The following DNAH12 variants were observed in gnomAD, a reference collection of about 807,000 sequenced individuals.
The protein encoded by DNAH12 is dynein axonemal heavy chain 12.
DNAH12 carries 285 observed loss-of-function variants against 371.5 expected under a neutral mutation model. The observed-to-expected ratio is 0.77, with a 90% CI of 0.70 to 0.85. The LOEUF (loss-of-function observed/expected upper bound fraction) is 0.85. Among genes scored for constraint, DNAH12 ranks in the 40% least tolerant of loss-of-function variants. DNAH12 has a pLI of 0.00. For synonymous variants in DNAH12, 1,200 were observed against 1,213.0 expected, an observed-to-expected ratio of 0.99 and a Z score of 0.22; for missense variants, 3,611 against 3,689.4, an observed-to-expected ratio of 0.98 and a Z score of 0.55.
At chr3:57,368,402 T>C (rs1403756519) in intron 55 of DNAH12, 142 bp from the exon 56 acceptor site, 1 of 151,826 alleles carries the variant, frequency 6.6e-6, no homozygotes, top group Non-Finnish European at 1.5e-5. Context: ...AAAAGTCCTA[T>C]GAGAAAAAAA....
At chr3:57,394,570 T>C (rs1163804098) in intron 43 of DNAH12, among the ~76,000 whole-genome samples, 1 of 152,134 alleles carries the variant, frequency 6.6e-6, no homozygotes, top group African/African-American at 2.4e-5. Context: ...GGATGGCATA[T>C]GATTTAAGCA....
At position 57,433,782 on chromosome 3, in the gene DNAH12, G is replaced by A. The variant is rs148635738; in HGVS notation, c.4702C>T (p.His1568Tyr). ...EPFAAKTKVL[H>Y]VLADTLTLMN... is the part of the protein sequence containing the mutation. ...AAAGTTAGCGTATCCGCCAGCACAT[G>A]CAGAACTTTTGTCTTAGCAGCAAAA... is the stretch of plus-strand genomic sequence containing the variant. The change falls in exon 31 of 74, where the codon CAT (histidine) becomes TAT (tyrosine). Residue 1568 changes from histidine (H) to tyrosine (Y), a missense_variant. Transcript: ENST00000495027. 282 of 1,549,236 alleles carry A rather than the reference G, an allele frequency of 1.8e-4. 1 individual carries two copies. In the African/African-American group the frequency reaches 3.0e-3, roughly 16 times the overall value.
intron 54 of DNAH12, 86 bp downstream of exon 54, chr3:57,375,732 C>CCATTAT (rs1185005457): frequency 1.5e-5 from 2 of 132,484 alleles, no homozygotes; most frequent in African/African-American, 8.6e-5. Flanking sequence ...TTCTCTTCTG[C>CCATTAT]CATTATTATC....
chr3:57,531,397 T>C (rs897115379), intron 2 of DNAH12, among the ~76,000 whole-genome samples: 3 of 152,176 alleles, frequency 2.0e-5, no homozygotes, highest in Admixed American at 6.5e-5. Flanking sequence ...AGTTCCATTG[T>C]ATGTTATTTG....
intron 46 of DNAH12, among the ~76,000 whole-genome samples, 161 bp downstream of exon 46, chr3:57,386,925 C>T (rs1043897606): frequency 0.012 from 1,856 of 152,278 alleles, 14 homozygotes; most frequent in Non-Finnish European, 0.018. Context: ...TTTCATAAGC[C>T]AGGAGGATCT....
At chr3:57,494,453 T>C (rs1294733680) in intron 11 of DNAH12, among the ~76,000 whole-genome samples, 3 of 151,892 alleles carry the variant, frequency 2.0e-5, no homozygotes, top group East Asian at 1.9e-4. Flanking sequence ...TCCCAGGTAA[T>C]TGGGAGGCTA....
chr3:57,333,668 T>G (rs1467867294), intron 62 of DNAH12, among the ~76,000 whole-genome samples: 1 of 152,108 alleles, frequency 6.6e-6, no homozygotes, highest in East Asian at 1.9e-4. Context: ...ACATTCTTAG[T>G]TCATGGGATG....
intron 29 of DNAH12, among the ~76,000 whole-genome samples, chr3:57,439,293 C>G (rs555922636): frequency 6.6e-6 from 1 of 152,210 alleles, no homozygotes; most frequent in South Asian, 2.1e-4. Flanking sequence ...ATCACATTAC[C>G]CAACTTCAAA....
chr3:57,468,786 C>T lies in DNAH12; in HGVS notation c.2299G>A (p.Ala767Thr), dbSNP rs1302868815. Reference protein sequence around the residue: ...EKIEEEPKDNATITMCSTVME... With the variant: ...EKIEEEPKDNTTITMCSTVME... ...ACTGTACTGCACATAGTAATAGTAG[C>T]ATTGTCTTTTGGTTCTTCTTCAATT... Residue 767 changes from alanine (A) to threonine (T), a missense_variant, in exon 17 of 74, where the codon GCT (alanine) becomes ACT (threonine). Physicochemically the swap from Ala to Thr is moderately conservative, Grantham distance 58. Coordinates refer to ENST00000495027, the MANE Select transcript of DNAH12 (RefSeq NM_001366028.2). The T allele has an allele frequency of 6.5e-7, 1 of 1,530,642 alleles. No homozygotes were observed. Among genetic ancestry groups the T allele is most frequent in the East Asian group, 2.5e-5 (1 of 40,790 alleles). The allele number at this position is 1,530,642 out of a possible 1,614,324, so 94.8% of individuals were successfully genotyped here.
chr3:57,302,557 A>ATTTTT, intron 69 of DNAH12, among the ~76,000 whole-genome samples: 1 of 58,522 alleles, frequency 1.7e-5, no homozygotes, highest in Non-Finnish European at 3.5e-5. Flanking sequence ...ATATATATAT[A>ATTTTT]TATATATGTA....
chr3:57,350,428 C>T (rs949270341), intron 60 of DNAH12, among the ~76,000 whole-genome samples: 1 of 152,102 alleles, frequency 6.6e-6, no homozygotes, highest in African/African-American at 2.4e-5. Context: ...GAAGGCACTA[C>T]AGAGCAGTAG....
intron 17 of DNAH12, among the ~76,000 whole-genome samples, chr3:57,467,137 T>C (rs1379232720): frequency 3.9e-5 from 6 of 152,100 alleles, no homozygotes; most frequent in African/African-American, 1.4e-4. Flanking sequence ...TTTTGAGTAA[T>C]TTTGGAGTCT....
chr3:57,511,279 A>T (rs1232456000), intron 4 of DNAH12, among the ~76,000 whole-genome samples: 1 of 152,144 alleles, frequency 6.6e-6, no homozygotes, highest in African/African-American at 2.4e-5. Context: ...TTATTATTAT[A>T]ATATATCCAC....
chr3:57,511,003 A>C (rs1437033010), intron 4 of DNAH12, 24 bp from the exon 5 acceptor site: 2 of 1,547,878 alleles, frequency 1.3e-6, no homozygotes, highest in Non-Finnish European at 1.7e-6. Flanking sequence ...AAAAAATTAA[A>C]TGTTCTGCAT....
At chr3:57,334,317 C>T in intron 62 of DNAH12, 148 bp downstream of exon 62, 1 of 853,256 alleles carries the variant, frequency 1.2e-6, no homozygotes, top group Non-Finnish European at 1.6e-6. Flanking sequence ...AAACAGTAAA[C>T]CCACAGATCT....
Position 57,446,178 on chromosome 3 carries a change from C to T in DNAH12, c.4032G>A (p.Gln1344=). ...ELEVLSVVAQ[Q]ILCIQRAIQQ... ...GAATAGCTCTCTGAATGCAAAGGAT[C>T]TGTTGAGCTACCACTGACAACACTT... Residue 1344 remains glutamine, a synonymous_variant, in exon 27 of 74, where the codon CAG becomes CAA. Coordinates refer to ENST00000495027, the MANE Select transcript of DNAH12 (RefSeq NM_001366028.2). The T allele has an allele frequency of 6.4e-7, 1 of 1,551,684 alleles. No individual in the cohort carries two copies. The highest frequency in any genetic ancestry group is 8.7e-7 in the Non-Finnish European group (1 of 1,146,992).
chr3:57,476,955 T>C (rs2066549139), intron 13 of DNAH12, among the ~76,000 whole-genome samples: 1 of 152,140 alleles, frequency 6.6e-6, no homozygotes, highest in South Asian at 2.1e-4. Flanking sequence ...GGAGCCAAGA[T>C]GGCCAAATGG....
intron 2 of DNAH12, among the ~76,000 whole-genome samples, chr3:57,529,275 C>T (rs1408497186): frequency 7.9e-5 from 12 of 152,050 alleles, no homozygotes; most frequent in African/African-American, 2.9e-4. Context: ...GAAGTATTCC[C>T]TCCTCCTCTA....
chr3:57,450,184 G>T (rs867723578), intron 25 of DNAH12, among the ~76,000 whole-genome samples: 2 of 148,812 alleles, frequency 1.3e-5, no homozygotes, highest in Middle Eastern at 7.3e-3. Context: ...GGAGGCGGAG[G>T]TTGTAGTGAG....
Sources: allele counts gnomAD v4.1 joint callset (sites outside exome capture counted in the v4.1 genomes callset), GRCh38; gene constraint gnomAD v4.1.1; transcripts MANE v1.5; gene names NCBI Gene and HGNC (gene_info 2026-07-23, HGNC 2026-07-21).